The following PPP1R9A variants were observed in gnomAD, a reference collection of about 807,000 sequenced individuals.
PPP1R9A encodes the protein protein phosphatase 1 regulatory subunit 9A.
Under a neutral mutation model 141.9 loss-of-function variants are expected in PPP1R9A, and 59 were observed. The ratio of observed to expected loss-of-function variants is 0.42; its 90% CI spans 0.34 to 0.52. The LOEUF (loss-of-function observed/expected upper bound fraction) is 0.52. PPP1R9A is among the 20% of genes least tolerant of loss of function. The pLI, the probability that PPP1R9A is intolerant of heterozygous loss-of-function variation, is 0.10. For missense variants in PPP1R9A, 1,444 were observed against 1,611.9 expected, an observed-to-expected ratio of 0.90 and a Z score of 1.78; for synonymous variants, 500 against 569.7, an observed-to-expected ratio of 0.88 and a Z score of 1.74.
chr7:95,079,569 A>G (rs1465938195), intron 2 of PPP1R9A, among the ~76,000 whole-genome samples: 3 of 151,884 alleles, frequency 2.0e-5, no homozygotes, highest in African/African-American at 4.8e-5. Context: ...AAAAGAGGGA[A>G]TCCTCCCTAA....
In PPP1R9A at chr7:94,991,609, TA is replaced by T. The variant is rs201575228; in HGVS notation, c.1395+80102del. On this transcript the variant is annotated intron_variant, in intron 2 of 19. Coordinates refer to ENST00000433360, the MANE Select transcript of PPP1R9A (RefSeq NM_001166160.2). Reference sequence around the variant, plus strand: ...TAATAGTTCTTCTTTTCTTAATCTTTATTTTTTCTTTCCTTTTTATTTTCAC... The same window carrying T: ...TAATAGTTCTTCTTTTCTTAATCTTTTTTTTTCTTTCCTTTTTATTTTCAC... Among the ~76,000 whole-genome samples the T allele has an allele frequency of 5.8e-3, 877 of 152,174 alleles. 11 individuals carry two copies. The highest frequency in any genetic ancestry group is 0.02 in the African/African-American group (833 of 41,540).
intron 5 of PPP1R9A, among the ~76,000 whole-genome samples, chr7:95,184,555 G>A (rs1481401793): frequency 1.3e-5 from 2 of 151,914 alleles, no homozygotes; most frequent in East Asian, 3.9e-4. Flanking sequence ...TGAGATTTTG[G>A]TGCACCCATC....
intron 7 of PPP1R9A, 87 bp downstream of exon 7, chr7:95,203,817 C>G: frequency 2.0e-6 from 2 of 975,984 alleles, no homozygotes; most frequent in Non-Finnish European, 3.0e-6. Flanking sequence ...TATTAACTAT[C>G]TGTATGTTCT....
chr7:95,025,056 G>T (rs984368061), intron 2 of PPP1R9A, among the ~76,000 whole-genome samples: 13 of 151,956 alleles, frequency 8.6e-5, no homozygotes, highest in Non-Finnish European at 1.9e-4. Flanking sequence ...GGCTGGGTAT[G>T]AAATTCTGGG....
chr7:95,280,631 T>G (rs568237352), intron 16 of PPP1R9A, among the ~76,000 whole-genome samples: 2 of 152,188 alleles, frequency 1.3e-5, no homozygotes, highest in Non-Finnish European at 2.9e-5. Flanking sequence ...TAGGAGTGAC[T>G]TATGATTCTC....
At chr7:95,282,193 C>T (rs907322037) in intron 16 of PPP1R9A, among the ~76,000 whole-genome samples, 2 of 126,134 alleles carry the variant, frequency 1.6e-5, no homozygotes, top group African/African-American at 3.5e-5. Context: ...TAGCCAGGCA[C>T]GGTGGCACAC....
At chr7:95,148,107 A>T (rs1258831198) in intron 4 of PPP1R9A, among the ~76,000 whole-genome samples, 2 of 152,188 alleles carry the variant, frequency 1.3e-5, no homozygotes, top group African/African-American at 4.8e-5. Flanking sequence ...AAAAGAAGAA[A>T]GATCTAAAAT....
At chr7:95,139,270 G>T (rs929947890) in intron 4 of PPP1R9A, among the ~76,000 whole-genome samples, 1 of 151,866 alleles carries the variant, frequency 6.6e-6, no homozygotes, top group Admixed American at 6.6e-5. Context: ...CAGAGCGAAG[G>T]GGGAAGCCCT....
chr7:95,064,372 G>A (rs1812668787), intron 2 of PPP1R9A, among the ~76,000 whole-genome samples: 1 of 152,120 alleles, frequency 6.6e-6, no homozygotes, highest in Admixed American at 6.5e-5. Flanking sequence ...GGTACATCAC[G>A]AGTATTTTCT....
At chr7:95,141,122 G>C (rs1386621145) in intron 4 of PPP1R9A, among the ~76,000 whole-genome samples, 2 of 152,204 alleles carry the variant, frequency 1.3e-5, no homozygotes, top group East Asian at 3.9e-4. Flanking sequence ...CTTATGCATG[G>C]TGAAATAAGG....
chr7:94,977,824 G>A (rs12534484), intron 2 of PPP1R9A, among the ~76,000 whole-genome samples: 13,672 of 150,154 alleles, frequency 0.091, 690 homozygotes, highest in Admixed American at 0.15. Flanking sequence ...GTTCAGTGGC[G>A]TGATCTCGGC....
At chr7:95,040,209 A>G (rs908056485) in intron 2 of PPP1R9A, among the ~76,000 whole-genome samples, 2 of 152,088 alleles carry the variant, frequency 1.3e-5, no homozygotes, top group Admixed American at 6.6e-5. Flanking sequence ...AAGACCTAAT[A>G]ACTTCTCTCT....
chr7:95,222,984 A>G (rs560826530), intron 7 of PPP1R9A, among the ~76,000 whole-genome samples: 1 of 152,156 alleles, frequency 6.6e-6, no homozygotes, highest in African/African-American at 2.4e-5. Flanking sequence ...GAGATTCTGT[A>G]GTAAATGTAT....
intron 2 of PPP1R9A, among the ~76,000 whole-genome samples, chr7:95,065,472 A>C (rs1812816126): frequency 1.3e-5 from 2 of 152,200 alleles, no homozygotes; most frequent in Admixed American, 6.5e-5. Flanking sequence ...GTGATTTAAA[A>C]TTACTTTGGA....
chr7:94,937,343 G>T (rs980802668), intron 2 of PPP1R9A, among the ~76,000 whole-genome samples: 1 of 152,120 alleles, frequency 6.6e-6, no homozygotes. Context: ...GACACAGATT[G>T]TCATTTATTC....
In PPP1R9A at chr7:94,911,151, T is replaced by C; in HGVS notation, c.1038T>C (p.Asp346=). Residue 346 remains aspartate, a synonymous_variant, in exon 2 of 20, where the codon GAT becomes GAC. Coordinates refer to ENST00000433360, the MANE Select transcript of PPP1R9A (RefSeq NM_001166160.2). ...CACCACAAAGCCAACTGTTAGAAGA[T>C]GCTGAAGCTAATTTGGTTGGAAGGG... is the stretch of plus-strand genomic sequence containing the variant. ...IPSPQSQLLE[D]AEANLVGREA... is the part of the protein sequence containing the mutation. The C allele has an allele frequency of 6.2e-7, 1 of 1,614,190 alleles. No homozygotes were observed. The highest frequency in any genetic ancestry group is 8.5e-7 in the Non-Finnish European group (1 of 1,180,020).
intron 2 of PPP1R9A, among the ~76,000 whole-genome samples, chr7:94,914,730 G>A (rs753189467): frequency 4.6e-5 from 7 of 152,176 alleles, no homozygotes; most frequent in Admixed American, 2.0e-4. Context: ...ACAAGAGAGG[G>A]TGACATGTCA....
chr7:95,065,690 T>C (rs1282656842), intron 2 of PPP1R9A, among the ~76,000 whole-genome samples: 1 of 152,154 alleles, frequency 6.6e-6, no homozygotes, highest in Non-Finnish European at 1.5e-5. Flanking sequence ...TTAATTTGAG[T>C]GCACAGCTCG....
intron 2 of PPP1R9A, among the ~76,000 whole-genome samples, chr7:95,056,177 C>T (rs1431032291): frequency 6.6e-6 from 1 of 152,044 alleles, no homozygotes; most frequent in African/African-American, 2.4e-5. Flanking sequence ...CATTTCTTAT[C>T]ATGGGCACAC....
Sources: allele counts gnomAD v4.1 joint callset (sites outside exome capture counted in the v4.1 genomes callset), GRCh38; gene constraint gnomAD v4.1.1; transcripts MANE v1.5; gene names NCBI Gene and HGNC (gene_info 2026-07-23, HGNC 2026-07-21).